MKLN1: variants seen among roughly 807,000 people sequenced by gnomAD.
MKLN1 encodes muskelin.
In MKLN1, 18 loss-of-function variants were observed where a neutral mutation model predicts 99.0. That is an observed-to-expected ratio of 0.18 (90% confidence interval 0.13 to 0.27). The LOEUF (loss-of-function observed/expected upper bound fraction) is 0.27, where lower values mean the gene tolerates loss of function less well. Ranked by LOEUF, MKLN1 falls within the 10% of genes least tolerant of loss-of-function variation. The pLI, the probability that MKLN1 is intolerant of heterozygous loss-of-function variation, is 1.00. For synonymous variants in MKLN1, 288 were observed against 293.2 expected, an observed-to-expected ratio of 0.98 and a Z score of 0.18; for missense variants, 621 against 875.9, an observed-to-expected ratio of 0.71 and a Z score of 3.67.
At chr7:131,405,674 G>T (rs1021184049) in intron 6 of MKLN1, among the ~76,000 whole-genome samples, 1 of 152,026 alleles carries the variant, frequency 6.6e-6, no homozygotes, top group Non-Finnish European at 1.5e-5. Context: ...ATTATGAAAT[G>T]AAATGGCTCT....
At chr7:131,403,506 A>G (rs1258138429) in intron 6 of MKLN1, among the ~76,000 whole-genome samples, 1 of 152,136 alleles carries the variant, frequency 6.6e-6, no homozygotes, top group Non-Finnish European at 1.5e-5. Context: ...CTCATTTACA[A>G]CTTGGTCAAC....
chr7:131,269,138 A>G (rs949366824), intron 3 of MKLN1, among the ~76,000 whole-genome samples: 3 of 152,178 alleles, frequency 2.0e-5, no homozygotes, highest in Non-Finnish European at 4.4e-5. Flanking sequence ...TCTAAACCAA[A>G]CTTTCTCACA....
In MKLN1 at chr7:131,291,101, T is replaced by TTTTATTTATTTATTTA. The variant is rs58711955; in HGVS notation, c.-178-84291_-178-84276dup. Among the ~76,000 whole-genome samples the TTTTATTTATTTATTTA allele has an allele frequency of 1.3e-3, 171 of 134,866 alleles. 2 individuals are homozygous for TTTTATTTATTTATTTA. The highest frequency in any genetic ancestry group is 2.6e-3 in the Admixed American group (35 of 13,518). The allele number at this position is 134,866 out of a possible 152,430, so 88.5% of individuals were successfully genotyped here. On this transcript the variant is annotated intron_variant, in intron 3 of 7. Transcript: ENST00000416992. ...ATGCTTTTCCTTTTATCTCATTTTA[T>TTTTATTTATTTATTTA]TTTATTTATTTATTTATTTATTTAT...
chr7:131,360,233 T>A (rs377276914), intron 1 of MKLN1, among the ~76,000 whole-genome samples: 2 of 152,222 alleles, frequency 1.3e-5, no homozygotes, highest in African/African-American at 2.4e-5. Flanking sequence ...TTGTTTTTTT[T>A]ATCTACTCTA....
chr7:131,211,444 C>A (rs1796904695), intron 3 of MKLN1, among the ~76,000 whole-genome samples: 1 of 152,142 alleles, frequency 6.6e-6, no homozygotes, highest in African/African-American at 2.4e-5. Flanking sequence ...AAGGCTAAGT[C>A]TCTTGTATTC....
intron 3 of MKLN1, among the ~76,000 whole-genome samples, chr7:131,209,325 A>G (rs1036627263): frequency 6.6e-6 from 1 of 152,202 alleles, no homozygotes; most frequent in Non-Finnish European, 1.5e-5. Context: ...TGAATTGCAG[A>G]GAGCAAGGGT....
chr7:131,355,526 A>G (rs1025240334), intron 1 of MKLN1, among the ~76,000 whole-genome samples: 6 of 151,546 alleles, frequency 4.0e-5, no homozygotes, highest in African/African-American at 1.2e-4. Flanking sequence ...CTTATGGCTA[A>G]TACTGTATTT....
At chr7:131,147,424 C>T (rs1034670376) in intron 2 of MKLN1, among the ~76,000 whole-genome samples, 3 of 152,016 alleles carry the variant, frequency 2.0e-5, no homozygotes, top group African/African-American at 7.2e-5. Context: ...TTCATAAAGA[C>T]CATGTGAGAT....
chr7:131,292,568 A>G (rs1253740003), intron 3 of MKLN1, among the ~76,000 whole-genome samples: 1 of 152,170 alleles, frequency 6.6e-6, no homozygotes, highest in East Asian at 1.9e-4. Context: ...AAGACCAGGG[A>G]GAACCTCATG....
intron 4 of MKLN1, among the ~76,000 whole-genome samples, chr7:131,390,574 A>G (rs1794171102): frequency 6.6e-6 from 1 of 152,084 alleles, no homozygotes; most frequent in Non-Finnish European, 1.5e-5. Flanking sequence ...AATAATAATT[A>G]TATATATTTA....
At chr7:131,467,456 G>T (rs2116628605) in intron 15 of MKLN1, among the ~76,000 whole-genome samples, 1 of 152,286 alleles carries the variant, frequency 6.6e-6, no homozygotes, top group South Asian at 2.1e-4. Flanking sequence ...AGAATATCAG[G>T]ATAGACTGCA....
chr7:131,320,741 A>C (rs1293335008), intron 3 of MKLN1, among the ~76,000 whole-genome samples: 1 of 152,186 alleles, frequency 6.6e-6, no homozygotes, highest in Admixed American at 6.5e-5. Context: ...AAGAAAAAAA[A>C]CAAACAACCC....
At chr7:131,314,989 C>T (rs537914642) in intron 3 of MKLN1, among the ~76,000 whole-genome samples, 6 of 151,996 alleles carry the variant, frequency 3.9e-5, no homozygotes, top group South Asian at 2.1e-4. Flanking sequence ...TTGACCAGGC[C>T]GGACTCAAGC....
chr7:131,434,444 G>T (rs1795619542), intron 9 of MKLN1, among the ~76,000 whole-genome samples: 1 of 152,092 alleles, frequency 6.6e-6, no homozygotes, highest in South Asian at 2.1e-4. Flanking sequence ...TTTGTATCAT[G>T]TCACTTTAAG....
chr7:131,262,838 C>G lies in MKLN1; in HGVS notation c.-179+59864C>G, dbSNP rs189703679. Among the ~76,000 whole-genome samples the G allele has an allele frequency of 1.9e-3, 286 of 152,140 alleles. 6 individuals are homozygous for G. The highest frequency in any genetic ancestry group is 6.8e-3 in the Middle Eastern group (2 of 294). ...TGGGATTACAGGCATGAGCCACCACCCCCAGCCTGGTTATTATGTTTCTTA... is the reference window on the plus strand; with the variant it reads ...TGGGATTACAGGCATGAGCCACCACGCCCAGCCTGGTTATTATGTTTCTTA... On this transcript the variant is annotated intron_variant, in intron 3 of 7. Transcript: ENST00000416992.
intron 4 of MKLN1, among the ~76,000 whole-genome samples, chr7:131,392,802 T>C (rs1794239437): frequency 6.6e-6 from 1 of 152,030 alleles, no homozygotes; most frequent in African/African-American, 2.4e-5. Flanking sequence ...ACGGGGTTTC[T>C]CCATGTTGGT....
rs557236928 is a variant in MKLN1, at chr7:131,161,911, T to C, written c.-297+18970T>C. Among the ~76,000 whole-genome samples, 3 of 149,866 alleles carry C rather than the reference T, an allele frequency of 2.0e-5. No individual in the cohort carries two copies. In the South Asian group the frequency reaches 6.3e-4, roughly 31 times the overall value. ...GAACACATTGTTTTTTTCACTATTT[T>C]AATAGTATGTTATATATACATATAT... On this transcript the variant is annotated intron_variant, in intron 2 of 7. Coordinates refer to the MKLN1 transcript ENST00000416992.
At chr7:131,371,006 A>G (rs1393526803) in intron 1 of MKLN1, among the ~76,000 whole-genome samples, 1 of 151,894 alleles carries the variant, frequency 6.6e-6, no homozygotes, top group Non-Finnish European at 1.5e-5. Flanking sequence ...TCTGGTCTGT[A>G]TTTTATTTCT....
At chr7:131,297,989 A>G (rs1798318256) in intron 3 of MKLN1, among the ~76,000 whole-genome samples, 1 of 152,182 alleles carries the variant, frequency 6.6e-6, no homozygotes, top group Non-Finnish European at 1.5e-5. Flanking sequence ...GCAAGTTAAG[A>G]TATACACATG....
Sources: allele counts gnomAD v4.1 joint callset (sites outside exome capture counted in the v4.1 genomes callset), GRCh38; gene constraint gnomAD v4.1.1; transcripts MANE v1.5; gene names NCBI Gene and HGNC (gene_info 2026-07-23, HGNC 2026-07-21).